The following NTNG2 variants were observed in gnomAD, a reference collection of about 807,000 sequenced individuals.
The protein encoded by NTNG2 is netrin-G2.
Under a neutral mutation model 47.6 loss-of-function variants are expected in NTNG2, and 15 were observed. That is an observed-to-expected ratio of 0.32 (90% CI 0.21 to 0.49). The LOEUF is 0.49. Ranked by LOEUF, NTNG2 falls within the 20% of genes least tolerant of loss-of-function variation. The pLI, the probability that NTNG2 is intolerant of heterozygous loss-of-function variation, is 0.99. For synonymous variants in NTNG2, 307 were observed against 324.6 expected (o/e 0.95, Z 0.58); for missense variants, 578 against 764.6 (o/e 0.76, Z 2.88).
chr9:132,242,345 G>T lies in NTNG2; in HGVS notation c.*234G>T. On this transcript the variant is annotated 3_prime_UTR_variant, in exon 8 of 8. Coordinates refer to ENST00000393229, the MANE Select transcript of NTNG2 (RefSeq NM_032536.4). The surrounding 1 kb of genome is among the most constrained non-coding windows in gnomAD (Gnocchi z 5.9). ...TGCGATTTGGTTTCGTTTTTCTTTT[G>T]TATTATCCGCCGCCCAGTTCCTTTT... 5.8e-6 allele frequency: 1 copy of T among 172,324 alleles called. No individual in the cohort carries two copies. Among genetic ancestry groups the T allele is most frequent in the Non-Finnish European group, 1.2e-5 (1 of 83,108 alleles). 10.7% of individuals were successfully genotyped at this position (172,324 alleles called of 1,614,324 possible).
At position 132,198,380 on chromosome 9, in the gene NTNG2, C is replaced by G. The variant is rs745420910; in HGVS notation, c.628C>G (p.His210Asp). ...CTGGGCAGGCTCCAAGAAGGAGAAG[C>G]ACGTGCGCTTCGAGGTGCGGGACCG... ...SRWAGSKKEK[H>D]VRFEVRDRFA... Residue 210 changes from histidine (H) to aspartate (D), a missense_variant, in exon 3 of 8, where the codon CAC becomes GAC. By Grantham distance (81) the His-to-Asp change is moderately conservative. Transcript: ENST00000393229. 6.2e-7 allele frequency: 1 copy of G among 1,613,016 alleles called. No homozygotes were observed. Among genetic ancestry groups the G allele is most frequent in the Non-Finnish European group, 8.5e-7 (1 of 1,179,960 alleles).
chr9:132,217,659 T>C (rs1474821505), intron 3 of NTNG2, among the ~76,000 whole-genome samples: 1 of 152,220 alleles, frequency 6.6e-6, no homozygotes, highest in Non-Finnish European at 1.5e-5. Context: ...TGGCATGTCC[T>C]AGGCACCTGT....
chr9:132,184,151 T>TG (rs1325422624), intron 2 of NTNG2, among the ~76,000 whole-genome samples: 1 of 152,218 alleles, frequency 6.6e-6, no homozygotes, highest in African/African-American at 2.4e-5. Flanking sequence ...TCCCCAGGTG[T>TG]GGGCAGACCC....
chr9:132,240,026 G>T (rs1841882110), intron 6 of NTNG2, among the ~76,000 whole-genome samples: 1 of 152,322 alleles, frequency 6.6e-6, no homozygotes, highest in East Asian at 1.9e-4. Context: ...CAACCAAAAC[G>T]CACCAGCCTG....
At chr9:132,211,811 C>A (rs1313912156) in intron 3 of NTNG2, among the ~76,000 whole-genome samples, 13 of 152,318 alleles carry the variant, frequency 8.5e-5, no homozygotes, top group African/African-American at 2.2e-4. Flanking sequence ...CTGACACCCG[C>A]CCCCATAGGC....
rs555984625 is a variant in NTNG2, at chr9:132,163,560, A to G, written c.-484+1321A>G. 2.6e-5 allele frequency among the ~76,000 whole-genome samples: 4 copies of G among 152,176 alleles called. No homozygotes were observed. The East Asian group carries it at 5.8e-4, about 22-fold the overall frequency. The stretch of plus-strand genomic sequence containing the variant: ...TCCCGGCAACCGCCACTCTCCCCTG[A>G]AAGCAGATTTCACCCCCCTCTGCCG... On this transcript the variant is annotated intron_variant, in intron 1 of 7. Transcript: ENST00000393229. The surrounding 1 kb of genome is among the most constrained non-coding windows in gnomAD (Gnocchi z 7.2).
chr9:132,224,191 T>C (rs1394566494), intron 3 of NTNG2, among the ~76,000 whole-genome samples: 1 of 152,212 alleles, frequency 6.6e-6, no homozygotes, highest in Admixed American at 6.5e-5. Context: ...AGAGCAGTTT[T>C]AAGTTTACAG....
intron 2 of NTNG2, among the ~76,000 whole-genome samples, chr9:132,194,375 GC>G (rs1341358999): frequency 2.0e-5 from 3 of 152,204 alleles, no homozygotes; most frequent in Non-Finnish European, 4.4e-5. Context: ...CTCCAGCCCA[GC>G]ACCTGCTACC....
At chr9:132,181,093 CT>C (rs939451393) in intron 2 of NTNG2, among the ~76,000 whole-genome samples, 1 of 151,856 alleles carries the variant, frequency 6.6e-6, no homozygotes, top group East Asian at 1.9e-4. Context: ...AGGACTTTCT[CT>C]TTTTTTTGAG....
intron 2 of NTNG2, among the ~76,000 whole-genome samples, chr9:132,183,267 G>A (rs1333779975): frequency 6.6e-6 from 1 of 152,082 alleles, no homozygotes; most frequent in Non-Finnish European, 1.5e-5. Context: ...GGAGGGGGCC[G>A]GCCAGCATTA....
intron 2 of NTNG2, among the ~76,000 whole-genome samples, chr9:132,167,287 G>A (rs988503376): frequency 4.6e-5 from 7 of 152,194 alleles, no homozygotes; most frequent in Non-Finnish European, 8.8e-5. Flanking sequence ...GGGCATTCTC[G>A]GCCAGCTGGC....
chr9:132,202,802 G>C (rs1371814735), intron 3 of NTNG2, among the ~76,000 whole-genome samples: 1 of 152,218 alleles, frequency 6.6e-6, no homozygotes, highest in African/African-American at 2.4e-5. Context: ...GGACCGGGAG[G>C]CTTGGGGTGA....
intron 2 of NTNG2, among the ~76,000 whole-genome samples, chr9:132,191,856 C>T (rs1339179898): frequency 6.6e-6 from 1 of 152,232 alleles, no homozygotes; most frequent in Non-Finnish European, 1.5e-5. Context: ...CGGGCGTGAG[C>T]CACCGCGCCC....
At chr9:132,178,962 A>AG (rs2131346125) in intron 2 of NTNG2, among the ~76,000 whole-genome samples, 1 of 25,552 alleles carries the variant, frequency 3.9e-5, no homozygotes, top group Admixed American at 3.6e-4. Context: ...ACTCGGTCTC[A>AG]AAAAAAAAAA....
At chr9:132,174,657 C>A (rs1589376484) in intron 2 of NTNG2, among the ~76,000 whole-genome samples, 1 of 152,222 alleles carries the variant, frequency 6.6e-6, no homozygotes, top group African/African-American at 2.4e-5. Context: ...CACGGTGGCT[C>A]AAGCCTGTAA....
In NTNG2 at chr9:132,167,298, C is replaced by T. The variant is rs534298213; in HGVS notation, c.213+254C>T. ...GTAGGGGCATTCTCGGCCAGCTGGC[C>T]ACTAGTTCAGTTCCCTCGGGAAGCC... On this transcript the variant is annotated intron_variant, in intron 2 of 7. Transcript: ENST00000393229. Among the ~76,000 whole-genome samples the T allele has an allele frequency of 1.1e-4, 17 of 152,354 alleles. No homozygotes were observed. In the South Asian group the frequency reaches 3.3e-3, roughly 30 times the overall value.
chr9:132,188,328 G>A (rs1168108335), intron 2 of NTNG2, among the ~76,000 whole-genome samples: 3 of 152,234 alleles, frequency 2.0e-5, no homozygotes, highest in African/African-American at 7.2e-5. Flanking sequence ...GTCAAGAGAC[G>A]TGCCGCCTGC....
chr9:132,210,988 C>T (rs1005475265), intron 3 of NTNG2, among the ~76,000 whole-genome samples: 5 of 152,210 alleles, frequency 3.3e-5, no homozygotes, highest in South Asian at 2.1e-4. Context: ...CATGTGAATC[C>T]GCTTCCAGAA....
At chr9:132,204,398 G>C (rs547846986) in intron 3 of NTNG2, among the ~76,000 whole-genome samples, 1 of 152,178 alleles carries the variant, frequency 6.6e-6, no homozygotes, top group South Asian at 2.1e-4. Flanking sequence ...GGAGATGGAC[G>C]GACACCGGAC....
Sources: allele counts gnomAD v4.1 joint callset (sites outside exome capture counted in the v4.1 genomes callset), GRCh38; gene constraint gnomAD v4.1.1; non-coding constraint Gnocchi (gnomAD v3.1); transcripts MANE v1.5; gene names NCBI Gene and HGNC (gene_info 2026-07-23, HGNC 2026-07-21).